Variants in EGFR observed in about 807,000 individuals in gnomAD.
The protein encoded by EGFR is epidermal growth factor receptor.
In EGFR, 58 loss-of-function variants were observed where a neutral mutation model predicts 143.0. The observed-to-expected ratio is 0.41, with a 90% CI of 0.33 to 0.50. The LOEUF is 0.50. EGFR is among the 20% of genes least tolerant of loss of function. The pLI is 0.39. For synonymous variants in EGFR, 613 were observed against 594.4 expected (o/e 1.03, Z -0.45); for missense variants, 1,307 against 1,579.0 (o/e 0.83, Z 2.92).
chr7:55,092,909 G>C (rs899102870), intron 1 of EGFR, among the ~76,000 whole-genome samples: 2 of 152,228 alleles, frequency 1.3e-5, no homozygotes, highest in African/African-American at 4.8e-5. Context: ...TAGGAATTTG[G>C]AGGGCTTTTT....
chr7:55,170,714 C>T (rs561407812), intron 15 of EGFR: 2 of 1,517,746 alleles, frequency 1.3e-6, no homozygotes, highest in East Asian at 2.4e-5. Flanking sequence ...TGACCTCTTC[C>T]TCCTCGCTGC....
rs2128975290 is a variant in EGFR at position 55,205,381 on chromosome 7, G to T, written c.3397G>T (p.Val1133Leu). The change falls in exon 28 of 28, where the codon GTG becomes TTG. Residue 1133 changes from valine (V) to leucine (L), a missense_variant. By Grantham distance (32) the Val-to-Leu change is conservative. Coordinates refer to ENST00000275493, the MANE Select transcript of EGFR (RefSeq NM_005228.5). ...PHYQDPHSTAVGNPEYLNTVQ... is the reference protein window; with the variant it reads ...PHYQDPHSTALGNPEYLNTVQ... ...CTACCAGGACCCCCACAGCACTGCAGTGGGCAACCCCGAGTATCTCAACAC... is the reference window on the plus strand; with the variant it reads ...CTACCAGGACCCCCACAGCACTGCATTGGGCAACCCCGAGTATCTCAACAC... 6.2e-7 allele frequency: 1 copy of T among 1,614,100 alleles called. No homozygotes were observed. Among genetic ancestry groups the T allele is most frequent in the Non-Finnish European group, 8.5e-7 (1 of 1,179,986 alleles).
chr7:55,150,698 G>T (rs1165999900), intron 4 of EGFR, among the ~76,000 whole-genome samples: 1 of 152,198 alleles, frequency 6.6e-6, no homozygotes, highest in African/African-American at 2.4e-5. Context: ...GCTATAATTT[G>T]TAATCGGCCA....
intron 1 of EGFR, among the ~76,000 whole-genome samples, chr7:55,136,208 T>A (rs1036229324): frequency 2.0e-5 from 3 of 152,230 alleles, no homozygotes; most frequent in African/African-American, 7.2e-5. Flanking sequence ...TTTAAGTTCA[T>A]CCTATAAATG....
At chr7:55,063,915 GT>G (rs1460920349) in intron 1 of EGFR, among the ~76,000 whole-genome samples, 12 of 152,314 alleles carry the variant, frequency 7.9e-5, no homozygotes, top group Middle Eastern at 6.8e-3. Context: ...ACTTGATACT[GT>G]GTATGTCTCT....
chr7:55,130,186 G>A (rs963848507), intron 1 of EGFR, among the ~76,000 whole-genome samples: 1 of 152,172 alleles, frequency 6.6e-6, no homozygotes, highest in Non-Finnish European at 1.5e-5. Context: ...GGGCAGTAAA[G>A]AGCCAGCTCA....
chr7:55,108,303 G>A (rs1792258749), intron 1 of EGFR, among the ~76,000 whole-genome samples: 1 of 152,218 alleles, frequency 6.6e-6, no homozygotes, highest in African/African-American at 2.4e-5. Context: ...AACTGTCCAT[G>A]TTCACGCACA....
At chr7:55,097,763 C>G (rs1487588799) in intron 1 of EGFR, among the ~76,000 whole-genome samples, 2 of 151,908 alleles carry the variant, frequency 1.3e-5, no homozygotes, top group Non-Finnish European at 2.9e-5. Context: ...CAACTAGGGA[C>G]AGCGCAGATA....
chr7:55,182,455 T>G (rs991282380), intron 20 of EGFR: 1 of 152,190 alleles, frequency 6.6e-6, no homozygotes, highest in African/African-American at 2.4e-5. Context: ...CTCACCCAAC[T>G]CCAGGCAGAT....
chr7:55,115,028 C>A (rs1474690213), intron 1 of EGFR, among the ~76,000 whole-genome samples: 1 of 151,818 alleles, frequency 6.6e-6, no homozygotes, highest in East Asian at 1.9e-4. Context: ...ACTACAGGTG[C>A]CCGCCACCGC....
At chr7:55,111,187 C>T (rs922466194) in intron 1 of EGFR, among the ~76,000 whole-genome samples, 1 of 152,164 alleles carries the variant, frequency 6.6e-6, no homozygotes, top group Admixed American at 6.5e-5. Context: ...CCGCTGAGTC[C>T]TCTAACTCTA....
intron 1 of EGFR, among the ~76,000 whole-genome samples, 159 bp from the exon 2 acceptor site, chr7:55,142,127 A>G (rs1257836050): frequency 6.6e-6 from 1 of 152,220 alleles, no homozygotes; most frequent in Non-Finnish European, 1.5e-5. Context: ...CTAAGTTAGT[A>G]AGCTTTGCGC....
At chr7:55,036,210 A>T (rs890765810) in intron 1 of EGFR, among the ~76,000 whole-genome samples, 1 of 129,408 alleles carries the variant, frequency 7.7e-6, no homozygotes, top group Non-Finnish European at 1.5e-5. Flanking sequence ...TTTTTGGATT[A>T]ACTTACATGA....
chr7:55,187,042 G>T (rs755956622), intron 20 of EGFR, among the ~76,000 whole-genome samples: 1 of 152,168 alleles, frequency 6.6e-6, no homozygotes, highest in Non-Finnish European at 1.5e-5. Flanking sequence ...AGTTGGCTGC[G>T]GACAGGGCGT....
intron 1 of EGFR, among the ~76,000 whole-genome samples, chr7:55,103,386 G>A (rs141602116): frequency 1.3e-5 from 2 of 152,350 alleles, no homozygotes; most frequent in African/African-American, 4.8e-5. Context: ...TCTCATTGCA[G>A]AAGTGCATAA....
At chr7:55,138,463 T>C (rs937277129) in intron 1 of EGFR, among the ~76,000 whole-genome samples, 4 of 152,238 alleles carry the variant, frequency 2.6e-5, no homozygotes, top group Non-Finnish European at 5.9e-5. Context: ...TAAAGTACTA[T>C]GTATTCATTT....
chr7:55,065,813 AGT>A (rs1789460875), intron 1 of EGFR, among the ~76,000 whole-genome samples: 1 of 147,510 alleles, frequency 6.8e-6, no homozygotes, highest in East Asian at 2.0e-4. Flanking sequence ...GGGACAACAT[AGT>A]AAGTGACTAA....
Position 55,041,665 on chromosome 7 carries a change from A to G in EGFR, c.88+22300A>G, listed in dbSNP as rs561834155. Among the ~76,000 whole-genome samples the G allele has an allele frequency of 6.6e-5, 10 of 152,356 alleles. No homozygotes were observed. In the South Asian group the frequency reaches 1.9e-3, roughly 28 times the overall value. On this transcript the variant is annotated intron_variant, in intron 1 of 27. Transcript: ENST00000275493. ...TAAACTAGTGAATGATTAGATTATA[A>G]TGATCTTAATTCATAAGTTTTCTCA...
At chr7:55,194,448 G>A (rs529818173) in intron 22 of EGFR, among the ~76,000 whole-genome samples, 66 of 151,968 alleles carry the variant, frequency 4.3e-4, no homozygotes, top group Non-Finnish European at 8.2e-4. Flanking sequence ...GGCTGGTCTC[G>A]AACTCCTGAC....
Sources: allele counts gnomAD v4.1 joint callset (sites outside exome capture counted in the v4.1 genomes callset), GRCh38; gene constraint gnomAD v4.1.1; transcripts MANE v1.5; gene names NCBI Gene and HGNC (gene_info 2026-07-23, HGNC 2026-07-21).